The following CNTN6 variants were observed in gnomAD, a reference collection of about 807,000 sequenced individuals.
CNTN6 encodes the protein contactin-6.
A neutral mutation model predicts 122.8 loss-of-function variants in CNTN6; 137 were observed. That is an observed-to-expected ratio of 1.12 (90% CI 0.97 to 1.29). The LOEUF is 1.29. Among genes scored for constraint, CNTN6 ranks in the 50% most tolerant of loss-of-function variants. The probability of loss-of-function intolerance (pLI) is 0.00; values close to 1 mark genes in which losing one functional copy is unlikely to be tolerated. For missense variants in CNTN6, 1,634 were observed against 1,223.4 expected (o/e 1.34, Z -5.01); for synonymous variants, 570 against 426.0 (o/e 1.34, Z -4.16).
intron 11 of CNTN6, among the ~76,000 whole-genome samples, chr3:1,349,765 G>A (rs980293976): frequency 6.6e-6 from 1 of 151,586 alleles, no homozygotes; most frequent in Non-Finnish European, 1.5e-5. Flanking sequence ...ATAAAATTAA[G>A]ACAATGATCA....
intron 2 of CNTN6, among the ~76,000 whole-genome samples, chr3:1,205,168 G>A (rs2093941455): frequency 6.6e-6 from 1 of 152,054 alleles, no homozygotes; most frequent in Non-Finnish European, 1.5e-5. Flanking sequence ...AACGTGGGCA[G>A]TCTCTAGAAG....
rs1575662050 is a variant in CNTN6 at position 1,313,726 on chromosome 3, A to T, written c.762-7924A>T. Reference sequence around the variant, plus strand: ...ATTCCCATTGGGCTGCCATCACAAAATACTGTAGACTTGTAAACAACAGGA... The same window carrying T: ...ATTCCCATTGGGCTGCCATCACAAATTACTGTAGACTTGTAAACAACAGGA... On this transcript the variant is annotated intron_variant, in intron 7 of 22. Transcript: ENST00000446702. Among the ~76,000 whole-genome samples, 3 of 152,248 alleles carry T rather than the reference A, an allele frequency of 2.0e-5. No individual in the cohort carries two copies. In the South Asian group the frequency reaches 6.2e-4, roughly 32 times the overall value.
intron 4 of CNTN6, among the ~76,000 whole-genome samples, chr3:1,263,424 A>G (rs1193388163): frequency 1.3e-5 from 2 of 152,052 alleles, no homozygotes; most frequent in Non-Finnish European, 2.9e-5. Context: ...GACCAGACTC[A>G]GTTGGTTGTG....
chr3:1,351,404 A>T (rs1337056768), intron 11 of CNTN6, among the ~76,000 whole-genome samples: 1 of 151,980 alleles, frequency 6.6e-6, no homozygotes, highest in Non-Finnish European at 1.5e-5. Flanking sequence ...AATCTTGACT[A>T]CCTACTAATG....
At chr3:1,173,434 T>C (rs749663179) in intron 2 of CNTN6, 47 of 371,776 alleles carry the variant, frequency 1.3e-4, no homozygotes, top group South Asian at 7.9e-4. Context: ...GAAAATCCTC[T>C]AAAGGACAGG....
chr3:1,175,597 T>C (rs2093434748), intron 2 of CNTN6, among the ~76,000 whole-genome samples: 1 of 152,112 alleles, frequency 6.6e-6, no homozygotes, highest in African/African-American at 2.4e-5. Flanking sequence ...TGTAAAACAA[T>C]ATGAAGTTAT....
At chr3:1,109,134 C>G (rs150512362) in intron 1 of CNTN6, among the ~76,000 whole-genome samples, 195 of 152,092 alleles carry the variant, frequency 1.3e-3, no homozygotes, top group Non-Finnish European at 2.2e-3. Flanking sequence ...AAGGGGGAAA[C>G]AGCGTTTGCA....
At chr3:1,387,593 GCT>G (rs1693233613) in intron 20 of CNTN6, among the ~76,000 whole-genome samples, 1 of 152,172 alleles carries the variant, frequency 6.6e-6, no homozygotes, top group African/African-American at 2.4e-5. Flanking sequence ...AATAGGAACA[GCT>G]CCGGTCTACA....
chr3:1,202,477 C>G (rs1354969788), intron 2 of CNTN6, among the ~76,000 whole-genome samples: 4 of 151,892 alleles, frequency 2.6e-5, no homozygotes, highest in East Asian at 3.9e-4. Context: ...GGGGGCGGAG[C>G]TTGCAGTGAG....
chr3:1,247,750 A>G (rs1187703221), intron 4 of CNTN6, among the ~76,000 whole-genome samples: 2 of 152,218 alleles, frequency 1.3e-5, no homozygotes, highest in Non-Finnish European at 2.9e-5. Flanking sequence ...CCCCTCACAG[A>G]CATGCAATGC....
intron 20 of CNTN6, among the ~76,000 whole-genome samples, chr3:1,389,105 T>C (rs1379520202): frequency 1.4e-5 from 2 of 144,070 alleles, no homozygotes; most frequent in Non-Finnish European, 3.1e-5. Flanking sequence ...CCAAGACACA[T>C]AATTGTCAGA....
At chr3:1,308,093 C>T (rs1698643862) in intron 7 of CNTN6, among the ~76,000 whole-genome samples, 1 of 152,086 alleles carries the variant, frequency 6.6e-6, no homozygotes, top group Admixed American at 6.6e-5. Flanking sequence ...TGTGTCACTT[C>T]TTCCTCATTT....
intron 7 of CNTN6, among the ~76,000 whole-genome samples, chr3:1,311,034 G>A (rs1699152732): frequency 6.6e-6 from 1 of 151,738 alleles, no homozygotes; most frequent in African/African-American, 2.4e-5. Flanking sequence ...GAGAGCTGAG[G>A]GCAGGCAAGG....
intron 4 of CNTN6, among the ~76,000 whole-genome samples, chr3:1,269,807 A>G (rs2094992087): frequency 6.6e-6 from 1 of 152,180 alleles, no homozygotes; most frequent in South Asian, 2.1e-4. Flanking sequence ...ATAAAAAAAA[A>G]TGCTTCTCAG....
intron 2 of CNTN6, among the ~76,000 whole-genome samples, chr3:1,209,995 A>G (rs1217193444): frequency 6.6e-6 from 1 of 152,216 alleles, no homozygotes; most frequent in Non-Finnish European, 1.5e-5. Context: ...TAAGAATTTC[A>G]TAACTATTTT....
intron 1 of CNTN6, among the ~76,000 whole-genome samples, chr3:1,125,002 T>G (rs1250184141): frequency 1.3e-5 from 2 of 151,974 alleles, no homozygotes; most frequent in Non-Finnish European, 2.9e-5. Context: ...AGTCATTTTG[T>G]TATTCTTGTT....
chr3:1,385,429 A>G (rs1316103859), intron 19 of CNTN6, among the ~76,000 whole-genome samples, 182 bp from the exon 20 acceptor site: 1 of 152,160 alleles, frequency 6.6e-6, no homozygotes. Flanking sequence ...TTTTTTCCTC[A>G]TAAATATTAG....
intron 1 of CNTN6, among the ~76,000 whole-genome samples, chr3:1,133,746 T>C (rs2092399044): frequency 6.6e-6 from 1 of 152,224 alleles, no homozygotes; most frequent in African/African-American, 2.4e-5. Flanking sequence ...ATTAGGTTGG[T>C]AGCTATGCTC....
intron 16 of CNTN6, 97 bp downstream of exon 16, chr3:1,374,170 C>G: frequency 7.7e-7 from 1 of 1,290,432 alleles, no homozygotes; most frequent in Non-Finnish European, 1.0e-6. Flanking sequence ...ATACTTTTGG[C>G]TCAAAATTGT....
Sources: gnomAD v4.1 joint callset for allele counts (sites outside exome capture counted in the v4.1 genomes callset) on GRCh38, gnomAD v4.1.1 for gene constraint, MANE v1.5 for transcripts, NCBI Gene and HGNC (gene_info 2026-07-23, HGNC 2026-07-21) for gene names.